Variants in RPS6KB1 observed in about 807,000 individuals in gnomAD.
The protein encoded by RPS6KB1 is ribosomal protein S6 kinase B1.
A neutral mutation model predicts 70.2 loss-of-function variants in RPS6KB1; 12 were observed. The observed-to-expected ratio is 0.17, with a 90% CI of 0.11 to 0.28. The LOEUF (loss-of-function observed/expected upper bound fraction) is 0.28, where lower values mean the gene tolerates loss of function less well. Ranked by LOEUF, RPS6KB1 falls within the 10% of genes least tolerant of loss-of-function variation. The pLI, the probability that RPS6KB1 is intolerant of heterozygous loss-of-function variation, is 1.00. For missense variants in RPS6KB1, 270 were observed against 646.6 expected (o/e 0.42, Z 6.32); for synonymous variants, 175 against 211.2 (o/e 0.83, Z 1.49).
At chr17:59,940,222 G>C (rs1354457619) in intron 12 of RPS6KB1, among the ~76,000 whole-genome samples, 1 of 151,490 alleles carries the variant, frequency 6.6e-6, no homozygotes, top group Non-Finnish European at 1.5e-5. Flanking sequence ...CTTTGTGAGA[G>C]GGGAAATTGA....
At chr17:59,915,686 G>A (rs528217128) in intron 4 of RPS6KB1, among the ~76,000 whole-genome samples, 144 of 147,840 alleles carry the variant, frequency 9.7e-4, no homozygotes, top group African/African-American at 3.4e-3. Context: ...GGCTGGTCTC[G>A]AACTCCTGAC....
At chr17:59,935,364 T>A (rs2044167057) in intron 10 of RPS6KB1, 64 bp downstream of exon 10, 1 of 867,262 alleles carries the variant, frequency 1.2e-6, no homozygotes, top group Admixed American at 2.3e-5. Flanking sequence ...CTAGATAGAA[T>A]TTAATGTATA....
rs532799784 is a variant in RPS6KB1 at position 59,921,563 on chromosome 17, G to C, written c.382-4872G>C. On this transcript the variant is annotated intron_variant, in intron 4 of 14. Coordinates refer to ENST00000225577, the MANE Select transcript of RPS6KB1 (RefSeq NM_003161.4). ...TCCCCCAGACTTTAAGATGAAATCAGAGTAGAACCAGGTATCCCCTTAAGT... is the reference window on the plus strand; with the variant it reads ...TCCCCCAGACTTTAAGATGAAATCACAGTAGAACCAGGTATCCCCTTAAGT... Among the ~76,000 whole-genome samples, 59 of 152,242 alleles carry C rather than the reference G, an allele frequency of 3.9e-4. No individual in the cohort carries two copies. The East Asian group carries it at 0.01, about 27-fold the overall frequency.
At chr17:59,910,204 A>C (rs939183817) in intron 1 of RPS6KB1, among the ~76,000 whole-genome samples, 8 of 151,620 alleles carry the variant, frequency 5.3e-5, no homozygotes, top group Admixed American at 2.6e-4. Flanking sequence ...AAAAAAAAAA[A>C]AAAAACCCGG....
At chr17:59,931,076 AGTTTATAGTTGTG>A (rs2043900805) in intron 6 of RPS6KB1, 1 of 154,142 alleles carries the variant, frequency 6.5e-6, no homozygotes, top group African/African-American at 2.4e-5. Flanking sequence ...GGTGTCACAC[AGTTTATAGTTGTG>A]GGCTGGCTGG....
In RPS6KB1 at chr17:59,912,690, G is replaced by A. The variant is rs2144793558; in HGVS notation, c.198G>A (p.Met66Ile). 1 of 1,612,640 alleles carries A rather than the reference G, an allele frequency of 6.2e-7. No individual in the cohort carries two copies. The highest frequency in any genetic ancestry group is 1.1e-5 in the South Asian group (1 of 90,924). ...HGGVGPYELG[M>I]EHCEKFEISE... is the part of the protein sequence containing the mutation. ...GTTTTGCTTTTCTTCCCAGTGGCAT[G>A]GAACATTGTGAGAAATTTGAAATCT... Residue 66 changes from methionine (M) to isoleucine (I), a missense_variant, in exon 3 of 15, where the codon ATG (methionine) becomes ATA (isoleucine). Met to Ile is a conservative substitution (Grantham distance 10). Around this residue, in one of 4 missense-constraint regions of RPS6KB1, gnomAD observed 72 missense variants for 93.4 expected, o/e 0.77. Transcript: ENST00000225577.
chr17:59,948,908 A>G lies in RPS6KB1; in HGVS notation c.*2120A>G, dbSNP rs1164101749. On this transcript the variant is annotated 3_prime_UTR_variant, in exon 15 of 15. Transcript: ENST00000225577. ...TGTGATACTCTTGATACTTGTTTTC[A>G]AATATGTTTACTAACTGTAGTGTTG... is the stretch of plus-strand genomic sequence containing the variant. The G allele has an allele frequency of 6.6e-6, 1 of 152,632 alleles. No individual in the cohort carries two copies. The highest frequency in any genetic ancestry group is 1.5e-5 in the Non-Finnish European group (1 of 68,028). The allele number at this position is 152,632 out of a possible 1,614,324, so 9.5% of individuals were successfully genotyped here.
intron 2 of RPS6KB1, 116 bp from the exon 3 acceptor site, chr17:59,912,568 T>C (rs895118907): frequency 2.0e-6 from 2 of 1,018,202 alleles, no homozygotes; most frequent in African/African-American, 3.2e-5. Context: ...TGGTGTCATG[T>C]ACTTTTTTAC....
At chr17:59,918,010 C>A (rs898530858) in intron 4 of RPS6KB1, among the ~76,000 whole-genome samples, 3 of 151,920 alleles carry the variant, frequency 2.0e-5, no homozygotes, top group Non-Finnish European at 4.4e-5. Flanking sequence ...CTTGGCTCAC[C>A]GCAACCTCCG....
chr17:59,932,185 A>G (rs1161799061), intron 7 of RPS6KB1, among the ~76,000 whole-genome samples: 1 of 151,810 alleles, frequency 6.6e-6, no homozygotes, highest in Non-Finnish European at 1.5e-5. Flanking sequence ...TGGGTGGATC[A>G]CCTGAGGTCA....
At position 59,938,699 on chromosome 17, in the gene RPS6KB1, TTGTGTGTGTGTGTGTGTGTG is replaced by T. The variant is rs58751297; in HGVS notation, c.1120-2111_1120-2092del. On this transcript the variant is annotated intron_variant, in intron 12 of 14. Coordinates refer to ENST00000225577, the MANE Select transcript of RPS6KB1 (RefSeq NM_003161.4). The stretch of plus-strand genomic sequence containing the variant: ...TTGATCAGGAGGCATAATGTGTAGT[TTGTGTGTGTGTGTGTGTGTG>T]TGTGTGTGTGTGTGTGTGTGTGTGT... Among the ~76,000 whole-genome samples, 761 of 138,168 alleles carry T rather than the reference TTGTGTGTGTGTGTGTGTGTG, an allele frequency of 5.5e-3. 5 individuals are homozygous for T. The highest frequency in any genetic ancestry group is 7.2e-3 in the Non-Finnish European group (465 of 64,240). The allele number at this position is 138,168 out of a possible 152,430, so 90.6% of individuals were successfully genotyped here.
chr17:59,900,629 G>A (rs1353157551), intron 1 of RPS6KB1, among the ~76,000 whole-genome samples: 1 of 152,094 alleles, frequency 6.6e-6, no homozygotes, highest in Non-Finnish European at 1.5e-5. Flanking sequence ...GCCCCAAAGT[G>A]CTGGGATTAC....
In RPS6KB1 at chr17:59,893,420, G is replaced by C. The variant is rs2041254214; in HGVS notation, c.141+95G>C. The C allele has an allele frequency of 3.7e-5, 48 of 1,295,420 alleles. No individual in the cohort carries two copies. The South Asian group carries it at 5.7e-4, about 15-fold the overall frequency. The allele number at this position is 1,295,420 out of a possible 1,614,324, so 80.2% of individuals were successfully genotyped here. On this transcript the variant is annotated intron_variant, in intron 1 of 14. Coordinates refer to ENST00000225577, the MANE Select transcript of RPS6KB1 (RefSeq NM_003161.4). The surrounding 1 kb of genome is among the most constrained non-coding windows in gnomAD (Gnocchi z 4.1). ...GTGTGTCCTAGAGCGTGGAGACCCA[G>C]GGGGGCTCCTGAGGAGCTGAGGGTC...
chr17:59,941,947 C>T (rs530164425), intron 13 of RPS6KB1, among the ~76,000 whole-genome samples: 1 of 151,968 alleles, frequency 6.6e-6, no homozygotes, highest in East Asian at 1.9e-4. Flanking sequence ...CAAGCTCCAC[C>T]TCCCGGGTTC....
At chr17:59,900,024 T>A (rs1306821735) in intron 1 of RPS6KB1, among the ~76,000 whole-genome samples, 1 of 151,728 alleles carries the variant, frequency 6.6e-6, no homozygotes, top group African/African-American at 2.4e-5. Context: ...AAATAAATAG[T>A]GGGCATAGTA....
In RPS6KB1 at chr17:59,947,567, T is replaced by G. The variant is rs372223764; in HGVS notation, c.*779T>G. ...TATGAGAAAAAAAAAATGAATCTAT[T>G]TAATCATTTCTACTTGCAGTACTGC... On this transcript the variant is annotated 3_prime_UTR_variant, in exon 15 of 15. Transcript: ENST00000225577. The G allele has an allele frequency of 2.9e-5, 44 of 1,538,452 alleles. No homozygotes were observed. The highest frequency in any genetic ancestry group is 2.2e-4 in the East Asian group (9 of 41,176).
At chr17:59,936,319 C>G (rs2044241445) in intron 11 of RPS6KB1, 42 bp downstream of exon 11, 5 of 1,554,156 alleles carry the variant, frequency 3.2e-6, no homozygotes, top group Non-Finnish European at 4.4e-6. Context: ...GAAGATAATG[C>G]TAGTTTTATG....
chr17:59,943,547 A>C (rs1460330177), intron 13 of RPS6KB1, among the ~76,000 whole-genome samples: 1 of 152,142 alleles, frequency 6.6e-6, no homozygotes, highest in African/African-American at 2.4e-5. Flanking sequence ...GGTTGTAGCC[A>C]GAATTCTCTA....
Position 59,907,572 on chromosome 17 carries a change from C to G in RPS6KB1, c.142-2990C>G, listed in dbSNP as rs936646484. Among the ~76,000 whole-genome samples, 5 of 149,110 alleles carry G rather than the reference C, an allele frequency of 3.4e-5. No individual in the cohort carries two copies. In the East Asian group the frequency reaches 5.9e-4, roughly 18 times the overall value. ...TTTTTTTTTGAGACAGGGTCTCACT[C>G]TGTTGCCCAGGCTGGAATATAGTGG... is the stretch of plus-strand genomic sequence containing the variant. On this transcript the variant is annotated intron_variant, in intron 1 of 14. Coordinates refer to ENST00000225577, the MANE Select transcript of RPS6KB1 (RefSeq NM_003161.4).
Sources: gnomAD v4.1 joint callset for allele counts (sites outside exome capture counted in the v4.1 genomes callset) on GRCh38, gnomAD v4.1.1 for gene constraint, gnomAD v4.1.1 regional missense constraint, Gnocchi (gnomAD v3.1) non-coding constraint, MANE v1.5 for transcripts, NCBI Gene and HGNC (gene_info 2026-07-23, HGNC 2026-07-21) for gene names.